MOB1A: variants seen among roughly 807,000 people sequenced by gnomAD.
MOB1A encodes MOB1 Mps One Binder homolog A.
In MOB1A, 10 loss-of-function variants were observed where a neutral mutation model predicts 25.1. The observed-to-expected ratio is 0.40, with a 90% CI of 0.25 to 0.68. The LOEUF (loss-of-function observed/expected upper bound fraction) is 0.68, where lower values mean the gene tolerates loss of function less well. Among genes scored for constraint, MOB1A ranks in the 30% least tolerant of loss-of-function variants. The probability of loss-of-function intolerance (pLI) is 0.40; values close to 1 mark genes in which losing one functional copy is unlikely to be tolerated. For synonymous variants in MOB1A, 81 were observed against 79.5 expected, an observed-to-expected ratio of 1.02 and a Z score of -0.10; for missense variants, 177 against 256.3, an observed-to-expected ratio of 0.69 and a Z score of 2.11.
intron 1 of MOB1A, among the ~76,000 whole-genome samples, chr2:74,176,284 A>G (rs1460763747): frequency 2.0e-5 from 3 of 148,564 alleles, no homozygotes; most frequent in Admixed American, 6.8e-5. Context: ...TCAAAAAAAA[A>G]AAAAAAAAAA....
intron 1 of MOB1A, among the ~76,000 whole-genome samples, chr2:74,173,385 T>TG (rs917425445): frequency 1.4e-5 from 2 of 144,834 alleles, no homozygotes; most frequent in Admixed American, 6.9e-5. Context: ...GGTTTTTTTT[T>TG]TTTTTTTTTT....
intron 3 of MOB1A, 74 bp downstream of exon 3, chr2:74,166,940 A>T: frequency 9.3e-7 from 1 of 1,075,254 alleles, no homozygotes; most frequent in Non-Finnish European, 1.4e-6. Flanking sequence ...AACAAATCTT[A>T]ACTGTTTAAT....
chr2:74,163,767 A>C (rs1311495130), intron 4 of MOB1A, among the ~76,000 whole-genome samples: 1 of 152,250 alleles, frequency 6.6e-6, no homozygotes, highest in Non-Finnish European at 1.5e-5. Context: ...TGAACAACTG[A>C]CATAAACTAC....
intron 2 of MOB1A, among the ~76,000 whole-genome samples, chr2:74,168,265 C>T (rs1335822065): frequency 1.3e-5 from 2 of 152,200 alleles, no homozygotes; most frequent in South Asian, 2.1e-4. Context: ...GAGGGAGCTT[C>T]AGCTAGATCC....
chr2:74,161,785 G>A (rs1052184100), intron 4 of MOB1A, among the ~76,000 whole-genome samples: 1 of 151,892 alleles, frequency 6.6e-6, no homozygotes, highest in African/African-American at 2.4e-5. Flanking sequence ...GTGAGACCTC[G>A]TGTCTACAAA....
rs1693136101 is a variant in MOB1A, at chr2:74,166,631, T to C, written c.275+383A>G. On this transcript the variant is annotated intron_variant, in intron 3 of 5. Transcript: ENST00000396049. ...GGGCAGATCACTTGAGGCCAGGAGT[T>C]TGAGACCAGCCCTGGGGAACATGGC... Among the ~76,000 whole-genome samples the C allele has an allele frequency of 4.6e-5, 7 of 152,148 alleles. 1 individual carries two copies. The highest frequency in any genetic ancestry group is 1.5e-5 in the Non-Finnish European group (1 of 68,026).
At position 74,178,707 on chromosome 2, in the gene MOB1A, T is replaced by C. The variant is rs1459217184; in HGVS notation, c.-33A>G. The C allele has an allele frequency of 9.0e-7, 1 of 1,113,570 alleles. No homozygotes were observed. Among genetic ancestry groups the C allele is most frequent in the Non-Finnish European group, 1.1e-6 (1 of 890,484 alleles). 69.0% of individuals were successfully genotyped at this position (1,113,570 alleles called of 1,614,324 possible). A position where few individuals can be genotyped will look rare whatever the true frequency, so the allele number is the denominator to read the frequency against. On this transcript the variant is annotated 5_prime_UTR_variant, in exon 1 of 6. Coordinates refer to ENST00000396049, the MANE Select transcript of MOB1A (RefSeq NM_018221.5). The stretch of plus-strand genomic sequence containing the variant: ...CCTCAGAGGGGAGGCGAGGGGCCCC[T>C]GGCCCCCGCCTGGATCAGGATTCGG...
chr2:74,168,121 AG>A (rs1480403323), intron 2 of MOB1A, among the ~76,000 whole-genome samples: 1 of 152,172 alleles, frequency 6.6e-6, no homozygotes, highest in African/African-American at 2.4e-5. Flanking sequence ...CCTGGGTGAC[AG>A]AGACACTGTC....
intron 1 of MOB1A, 57 bp from the exon 2 acceptor site, chr2:74,172,809 G>C: frequency 6.6e-7 from 1 of 1,523,266 alleles, no homozygotes; most frequent in Non-Finnish European, 9.0e-7. Context: ...AGAACAGGTA[G>C]AACAACATAA....
chr2:74,166,398 A>G (rs1284723368), intron 3 of MOB1A, among the ~76,000 whole-genome samples: 2 of 152,256 alleles, frequency 1.3e-5, no homozygotes, highest in Admixed American at 6.5e-5. Flanking sequence ...TGTTATTAAT[A>G]AAATTGAAAA....
chr2:74,161,829 T>A (rs1391302564), intron 4 of MOB1A, among the ~76,000 whole-genome samples: 1 of 151,806 alleles, frequency 6.6e-6, no homozygotes, highest in Non-Finnish European at 1.5e-5. Context: ...GTGGCACACG[T>A]GCCTGTGGTC....
chr2:74,159,546 T>TAA (rs1416865709), intron 4 of MOB1A, among the ~76,000 whole-genome samples: 1 of 151,946 alleles, frequency 6.6e-6, no homozygotes. Context: ...CTCAACCTCT[T>TAA]AAAGTGCTAG....
intron 4 of MOB1A, among the ~76,000 whole-genome samples, chr2:74,162,781 T>C (rs2103705117): frequency 6.6e-6 from 1 of 152,280 alleles, no homozygotes; most frequent in South Asian, 2.1e-4. Flanking sequence ...TTCAAAAATA[T>C]GTTGCTCATA....
intron 3 of MOB1A, among the ~76,000 whole-genome samples, chr2:74,165,924 TA>T (rs1479232390): frequency 6.6e-6 from 1 of 152,186 alleles, no homozygotes; most frequent in Non-Finnish European, 1.5e-5. Context: ...GCTTGAATAA[TA>T]AAACTTAACA....
chr2:74,161,015 C>G lies in MOB1A; in HGVS notation c.410-1761G>C, dbSNP rs115011095. ...CGGAGGTTGCAGTGAGCCAAGATTGCCGCCACTGCACTCCAGTCTGGGCGG... is the reference window on the plus strand; with the variant it reads ...CGGAGGTTGCAGTGAGCCAAGATTGGCGCCACTGCACTCCAGTCTGGGCGG... On this transcript the variant is annotated intron_variant, in intron 4 of 5. Coordinates refer to ENST00000396049, the MANE Select transcript of MOB1A (RefSeq NM_018221.5). Among the ~76,000 whole-genome samples, 516 of 151,112 alleles carry G rather than the reference C, an allele frequency of 3.4e-3. 4 individuals carry two copies. The highest frequency in any genetic ancestry group is 0.011 in the African/African-American group (473 of 41,168).
At chr2:74,167,777 T>TTCA (rs1269042830) in intron 2 of MOB1A, among the ~76,000 whole-genome samples, 2 of 152,140 alleles carry the variant, frequency 1.3e-5, no homozygotes, top group Non-Finnish European at 2.9e-5. Context: ...GACAAAATAC[T>TTCA]TCAGATAAAG....
intron 5 of MOB1A, among the ~76,000 whole-genome samples, chr2:74,157,167 G>A (rs1280609051): frequency 1.4e-5 from 2 of 146,714 alleles, no homozygotes; most frequent in Admixed American, 6.9e-5. Context: ...CTCTGGGGAG[G>A]GGAAAGGGCT....
chr2:74,170,711 C>A (rs1205750782), intron 2 of MOB1A, among the ~76,000 whole-genome samples: 1 of 121,194 alleles, frequency 8.3e-6, no homozygotes, highest in Non-Finnish European at 1.6e-5. Flanking sequence ...TGCGACAGAG[C>A]AAGATTCCAT....
At chr2:74,161,745 T>G (rs1331916543) in intron 4 of MOB1A, among the ~76,000 whole-genome samples, 1 of 151,644 alleles carries the variant, frequency 6.6e-6, no homozygotes, top group East Asian at 1.9e-4. Context: ...TGCTTGGGCC[T>G]AGAAGTTTGA....
Sources: gnomAD v4.1 joint callset for allele counts (sites outside exome capture counted in the v4.1 genomes callset) on GRCh38, gnomAD v4.1.1 for gene constraint, MANE v1.5 for transcripts, NCBI Gene and HGNC (gene_info 2026-07-23, HGNC 2026-07-21) for gene names.